The following CFAP299 variants were observed in gnomAD, a reference collection of about 807,000 sequenced individuals.
CFAP299 encodes the protein cilia- and flagella-associated protein 299.
Under a neutral mutation model 27.0 loss-of-function variants are expected in CFAP299, and 21 were observed. The ratio of observed to expected loss-of-function variants is 0.78; its 90% CI spans 0.55 to 1.12. The LOEUF is 1.12. Among genes scored for constraint, CFAP299 ranks in the 50% most tolerant of loss-of-function variants. CFAP299 has a pLI of 0.00. For synonymous variants in CFAP299, 104 were observed against 98.1 expected (o/e 1.06, Z -0.36); for missense variants, 310 against 276.6 (o/e 1.12, Z -0.86).
chr4:80,846,158 C>T (rs1731172429), intron 3 of CFAP299, among the ~76,000 whole-genome samples: 1 of 152,116 alleles, frequency 6.6e-6, no homozygotes, highest in Non-Finnish European at 1.5e-5. Flanking sequence ...CATTCATCTC[C>T]TGAGGCAGTG....
intron 4 of CFAP299, among the ~76,000 whole-genome samples, chr4:80,931,642 A>G (rs1179629801): frequency 6.6e-6 from 1 of 152,060 alleles, no homozygotes; most frequent in African/African-American, 2.4e-5. Context: ...TCAGGAACCC[A>G]AAAAGACTGC....
chr4:80,881,899 A>G (rs1733723247), intron 4 of CFAP299, among the ~76,000 whole-genome samples: 1 of 152,204 alleles, frequency 6.6e-6, no homozygotes, highest in Admixed American at 6.5e-5. Context: ...CAATAAGGAG[A>G]TAGAAATGAT....
At chr4:80,508,543 T>C (rs1732141557) in intron 2 of CFAP299, among the ~76,000 whole-genome samples, 1 of 152,178 alleles carries the variant, frequency 6.6e-6, no homozygotes, top group South Asian at 2.1e-4. Flanking sequence ...CTTTTTCAGC[T>C]GTAATCAGCC....
intron 3 of CFAP299, among the ~76,000 whole-genome samples, chr4:80,608,861 ATG>A (rs33963629): frequency 0.12 from 17,538 of 146,746 alleles, 1,072 homozygotes; most frequent in Middle Eastern, 0.23. Context: ...TACACGATGC[ATG>A]TGTGTGTGTG....
intron 3 of CFAP299, among the ~76,000 whole-genome samples, chr4:80,729,420 A>T (rs1560721042): frequency 6.6e-6 from 1 of 152,066 alleles, no homozygotes; most frequent in Non-Finnish European, 1.5e-5. Context: ...TAACATATAG[A>T]TTATGGGAGA....
intron 3 of CFAP299, among the ~76,000 whole-genome samples, chr4:80,768,965 C>T (rs1354833019): frequency 6.6e-6 from 1 of 152,134 alleles, no homozygotes; most frequent in Non-Finnish European, 1.5e-5. Context: ...TGAGATGATT[C>T]AAGTAAAGCT....
At chr4:80,941,002 C>T (rs1417072171) in intron 4 of CFAP299, among the ~76,000 whole-genome samples, 3 of 152,068 alleles carry the variant, frequency 2.0e-5, no homozygotes, top group African/African-American at 7.2e-5. Context: ...CGTTCCAGGG[C>T]CTCCCATAGG....
chr4:80,857,720 G>A (rs576901547), intron 3 of CFAP299, among the ~76,000 whole-genome samples: 2,800 of 152,180 alleles, frequency 0.018, 46 homozygotes, highest in Non-Finnish European at 0.028. Flanking sequence ...ATTGATTTGC[G>A]TATATTGAAC....
intron 3 of CFAP299, among the ~76,000 whole-genome samples, chr4:80,654,464 C>T (rs925776080): frequency 2.8e-4 from 43 of 152,094 alleles, no homozygotes; most frequent in African/African-American, 1.0e-3. Context: ...TCTATTGTAA[C>T]ATTTTCTGTT....
intron 2 of CFAP299, among the ~76,000 whole-genome samples, chr4:80,573,937 T>C (rs1317004071): frequency 1.3e-5 from 2 of 152,156 alleles, no homozygotes; most frequent in Non-Finnish European, 2.9e-5. Flanking sequence ...GCTTTGGCTA[T>C]TCTGGGTCTT....
At chr4:80,399,908 T>C (rs1726046774) in intron 2 of CFAP299, among the ~76,000 whole-genome samples, 1 of 152,208 alleles carries the variant, frequency 6.6e-6, no homozygotes, top group South Asian at 2.1e-4. Flanking sequence ...GCATGACTTA[T>C]ACATTCTAAA....
At chr4:80,544,331 A>G (rs1734134695) in intron 2 of CFAP299, among the ~76,000 whole-genome samples, 1 of 152,340 alleles carries the variant, frequency 6.6e-6, no homozygotes, top group South Asian at 2.1e-4. Context: ...CAGCATGATA[A>G]CAGAATCAAA....
chr4:80,894,394 TACATC>T (rs1475126463), intron 4 of CFAP299, among the ~76,000 whole-genome samples: 2 of 152,016 alleles, frequency 1.3e-5, no homozygotes, highest in African/African-American at 4.8e-5. Context: ...TCCTAACCAG[TACATC>T]TAATAATTTG....
intron 3 of CFAP299, among the ~76,000 whole-genome samples, chr4:80,844,406 C>G (rs1027367412): frequency 1.3e-5 from 2 of 152,170 alleles, no homozygotes; most frequent in African/African-American, 4.8e-5. Context: ...CACATCCTCT[C>G]CAGCACCTGT....
At chr4:80,414,073 T>TTTC (rs1553921210) in intron 2 of CFAP299, among the ~76,000 whole-genome samples, 24 of 125,830 alleles carry the variant, frequency 1.9e-4, no homozygotes, top group East Asian at 4.6e-4. Context: ...TCTTTTTTTT[T>TTTC]TTTTTTTTTT....
intron 2 of CFAP299, among the ~76,000 whole-genome samples, chr4:80,425,668 T>C (rs1313652380): frequency 6.6e-6 from 1 of 152,242 alleles, no homozygotes; most frequent in Non-Finnish European, 1.5e-5. Flanking sequence ...CTCCGAACAG[T>C]TGTGCTCTGC....
chr4:80,811,975 A>G lies in CFAP299; in HGVS notation c.334-58018A>G, dbSNP rs1729177244. ...ATAAGCTTGAGGAAGGATTTTAAAG[A>G]AAAAGAAGCTAAAAGCCAAAATGGT... On this transcript the variant is annotated intron_variant, in intron 3 of 5. Transcript: ENST00000358105. Among the ~76,000 whole-genome samples the G allele has an allele frequency of 2.6e-5, 4 of 152,254 alleles. No individual in the cohort carries two copies. In the South Asian group the frequency reaches 8.3e-4, roughly 32 times the overall value.
chr4:80,788,652 T>C (rs1727379576), intron 3 of CFAP299, among the ~76,000 whole-genome samples: 1 of 152,016 alleles, frequency 6.6e-6, no homozygotes, highest in Admixed American at 6.6e-5. Context: ...ACTAGAGCTA[T>C]GAATAAATTT....
At chr4:80,647,552 C>G (rs1740085488) in intron 3 of CFAP299, among the ~76,000 whole-genome samples, 1 of 152,048 alleles carries the variant, frequency 6.6e-6, no homozygotes, top group African/African-American at 2.4e-5. Flanking sequence ...TCTCTGAAAC[C>G]CACCGACTGT....
Sources: allele counts gnomAD v4.1 joint callset (sites outside exome capture counted in the v4.1 genomes callset), GRCh38; gene constraint gnomAD v4.1.1; transcripts MANE v1.5; gene names NCBI Gene and HGNC (gene_info 2026-07-23, HGNC 2026-07-21).